The following WNK1 variants were observed in gnomAD, a reference collection of about 807,000 sequenced individuals.
The protein encoded by WNK1 is serine/threonine-protein kinase WNK1.
In WNK1, 38 loss-of-function variants were observed where a neutral mutation model predicts 222.8. That is an observed-to-expected ratio of 0.17 (90% CI 0.13 to 0.22). The LOEUF (loss-of-function observed/expected upper bound fraction) is 0.22. Ranked by LOEUF, WNK1 falls within the 10% of genes least tolerant of loss-of-function variation. The pLI, the probability that WNK1 is intolerant of heterozygous loss-of-function variation, is 1.00. For synonymous variants in WNK1, 1,090 were observed against 1,092.9 expected, an observed-to-expected ratio of 1.00 and a Z score of 0.05; for missense variants, 2,348 against 2,918.4, an observed-to-expected ratio of 0.80 and a Z score of 4.50.
chr12:764,155 TAGAG>T (rs997684655), intron 1 of WNK1, among the ~76,000 whole-genome samples: 1 of 146,870 alleles, frequency 6.8e-6, no homozygotes, highest in Admixed American at 6.8e-5. Context: ...ATAGAAAAAT[TAGAG>T]AGAGGGAGAG....
intron 1 of WNK1, among the ~76,000 whole-genome samples, chr12:764,189 G>A (rs1213970755): frequency 6.8e-6 from 1 of 147,472 alleles, no homozygotes. Flanking sequence ...ATGGTCCTCA[G>A]GCAAAATAGT....
At position 908,662 on chromosome 12, in the gene WNK1, C is replaced by T. The variant is rs767029551; in HGVS notation, c.7019C>T (p.Thr2340Met). ...ATPFGAQWSG[T>M]GGPAPQPLGQ... is the part of the protein sequence containing the mutation. The stretch of plus-strand genomic sequence containing the variant: ...CCATTTGGCGCTCAATGGAGTGGGA[C>T]GGGTGGCCCAGCACCACAGCCACTT... The change falls in exon 28 of 28, where the codon ACG (threonine) becomes ATG (methionine). Residue 2340 changes from threonine to methionine, a missense_variant. Physicochemically the swap from Thr to Met is moderately conservative, Grantham distance 81 (BLOSUM62 -1). This residue lies in a region of WNK1 where 76 missense variants were observed against 85.7 expected (regional missense o/e 0.89). Coordinates refer to ENST00000315939, the MANE Select transcript of WNK1 (RefSeq NM_018979.4). The T allele has an allele frequency of 1.5e-4, 246 of 1,614,064 alleles. No homozygotes were observed. Among genetic ancestry groups the T allele is most frequent in the East Asian group, 6.7e-4 (30 of 44,890 alleles).
intron 1 of WNK1, among the ~76,000 whole-genome samples, chr12:793,356 G>T (rs1945019582): frequency 6.6e-6 from 1 of 152,208 alleles, no homozygotes; most frequent in Admixed American, 6.5e-5. Flanking sequence ...TTAAAAAGGA[G>T]AAAACGTGTT....
chr12:806,785 G>A (rs1384733975), intron 1 of WNK1, among the ~76,000 whole-genome samples: 1 of 152,196 alleles, frequency 6.6e-6, no homozygotes, highest in Non-Finnish European at 1.5e-5. Flanking sequence ...AAATGTCGTA[G>A]ATATTTGGAA....
At chr12:828,674 A>G (rs1948564556) in intron 3 of WNK1, among the ~76,000 whole-genome samples, 1 of 152,210 alleles carries the variant, frequency 6.6e-6, no homozygotes, top group African/African-American at 2.4e-5. Context: ...TCACTTATCT[A>G]AAGAACAAGG....
At chr12:783,093 CG>C (rs1591675744) in intron 1 of WNK1, among the ~76,000 whole-genome samples, 1 of 151,100 alleles carries the variant, frequency 6.6e-6, no homozygotes, top group East Asian at 2.0e-4. Context: ...TTTGTAGAGA[CG>C]GGGGTAGGGT....
intron 1 of WNK1, among the ~76,000 whole-genome samples, chr12:755,986 A>AAAC (rs1187155437): frequency 6.6e-6 from 1 of 152,214 alleles, no homozygotes; most frequent in Non-Finnish European, 1.5e-5. Flanking sequence ...AAACAAACAA[A>AAAC]AACAACAACA....
chr12:753,763 T>C lies in WNK1; in HGVS notation c.198T>C (p.Arg66=), dbSNP rs777517901. The change falls in exon 1 of 28, where the codon CGT becomes CGC. Residue 66 remains arginine, a synonymous_variant. Coordinates refer to ENST00000315939, the MANE Select transcript of WNK1 (RefSeq NM_018979.4). The surrounding 1 kb of genome is among the most constrained non-coding windows in gnomAD (Gnocchi z 5.2). ...RRRHTMDKDS[R]GAAATTTTTE... is the part of the protein sequence containing the mutation. The stretch of plus-strand genomic sequence containing the variant: ...GCCACACTATGGACAAGGACAGCCG[T>C]GGGGCGGCCGCGACCACTACCACCA... 3.4e-5 allele frequency: 55 copies of C among 1,612,164 alleles called. No individual in the cohort carries two copies. The highest frequency in any genetic ancestry group is 4.5e-5 in the Non-Finnish European group (53 of 1,179,904).
chr12:808,957 T>G (rs12322747), intron 1 of WNK1, among the ~76,000 whole-genome samples: 538 of 151,978 alleles, frequency 3.5e-3, no homozygotes, highest in African/African-American at 0.013. Flanking sequence ...AGAAATGGGG[T>G]TTCACCATCT....
rs2154066650 is a variant in WNK1, at chr12:862,238, C to G, written c.2107C>G (p.Gln703Glu). The change falls in exon 8 of 28, where the codon CAG (glutamine) becomes GAG (glutamate). Residue 703 changes from glutamine to glutamate, a missense_variant. This residue lies in a region of WNK1 where 547 missense variants were observed against 558.3 expected (regional missense o/e 0.98). Transcript: ENST00000315939. Reference protein sequence around the residue: ...HIPSTVQAQSQPHGVYPPSSV... With the variant: ...HIPSTVQAQSEPHGVYPPSSV... Reference sequence around the variant, plus strand: ...ACCTTCTACTGTCCAAGCACAGTCTCAGCCCCATGGGGTATATCCACCCTC... The same window carrying G: ...ACCTTCTACTGTCCAAGCACAGTCTGAGCCCCATGGGGTATATCCACCCTC... 1.2e-6 allele frequency: 2 copies of G among 1,614,120 alleles called. No homozygotes were observed. The highest frequency in any genetic ancestry group is 1.3e-5 in the African/African-American group (1 of 75,046).
rs761305728 is a variant in WNK1 at position 879,737 on chromosome 12, A to G, written c.2538A>G (p.Ile846Met). The change falls in exon 11 of 28, where the codon ATA becomes ATG. Residue 846 changes from isoleucine to methionine, a missense_variant. Coordinates refer to ENST00000315939, the MANE Select transcript of WNK1 (RefSeq NM_018979.4). ...LPQYPVSQIP[I>M]STPHVSTAQT... ...AGTACCCTGTCTCTCAGATTCCCAT[A>G]TCAACTCCTCATGTGTCTACGGCTC... The G allele has an allele frequency of 1.2e-6, 2 of 1,613,404 alleles. No homozygotes were observed. The highest frequency in any genetic ancestry group is 1.3e-5 in the African/African-American group (1 of 74,714).
rs1385707844 is a variant in WNK1 at position 909,331 on chromosome 12, C to T, written c.*539C>T. On this transcript the variant is annotated 3_prime_UTR_variant, in exon 28 of 28. Transcript: ENST00000315939. The stretch of plus-strand genomic sequence containing the variant: ...TGAAAAATACCAGGGTACTGGGGTG[C>T]AACTCTTTCTTATGATAGGTCATTA... 1 of 155,070 alleles carries T rather than the reference C, an allele frequency of 6.4e-6. No homozygotes were observed. Among genetic ancestry groups the T allele is most frequent in the Non-Finnish European group, 1.4e-5 (1 of 70,098 alleles). 9.6% of individuals were successfully genotyped at this position (155,070 alleles called of 1,614,324 possible). A position where few individuals can be genotyped will look rare whatever the true frequency, so the allele number is the denominator to read the frequency against.
At chr12:799,425 C>G (rs1945664404) in intron 1 of WNK1, among the ~76,000 whole-genome samples, 1 of 151,368 alleles carries the variant, frequency 6.6e-6, no homozygotes, top group Non-Finnish European at 1.5e-5. Flanking sequence ...GCCACCGCAC[C>G]CGGCCTGCAT....
intron 4 of WNK1, among the ~76,000 whole-genome samples, chr12:853,586 C>T (rs976684611): frequency 1.3e-5 from 2 of 152,154 alleles, no homozygotes; most frequent in Non-Finnish European, 2.9e-5. Flanking sequence ...TCTACTTGTC[C>T]AGTTCACACT....
chr12:888,113 C>G (rs1366770517), intron 20 of WNK1, among the ~76,000 whole-genome samples: 1 of 152,128 alleles, frequency 6.6e-6, no homozygotes, highest in African/African-American at 2.4e-5. Context: ...AGCCAGTAAA[C>G]TTTTAAACTA....
intron 10 of WNK1, 60 bp from the exon 11 acceptor site, chr12:879,513 C>CTTTTTTTTTTTTTTTTTTTTTTGTTTTTT: frequency 2.5e-6 from 1 of 403,028 alleles, no homozygotes; most frequent in East Asian, 5.7e-5. Context: ...GGCAGCCTTG[C>CTTTTTTTTTTTTTTTTTTTTTTGTTTTTT]TTTTTTTTTT....
rs1290510851 is a variant in WNK1 at position 881,700 on chromosome 12, G to T, written c.3120G>T (p.Gln1040His). The change falls in exon 13 of 28, where the codon CAG becomes CAT. Residue 1040 changes from glutamine (Q) to histidine (H), a missense_variant. Around this residue, in one of 13 missense-constraint regions of WNK1, gnomAD observed 547 missense variants for 558.3 expected, o/e 0.98. Coordinates refer to ENST00000315939, the MANE Select transcript of WNK1 (RefSeq NM_018979.4). ...ATCTTTTCGATTCACAGAGTACTCA[G>T]GGAGTCTCTCAGGTTGCTCCTGCAG... ...SSQQAVLESTQGVSQVAPAEP... is the reference protein window; with the variant it reads ...SSQQAVLESTHGVSQVAPAEP... 1 of 1,613,656 alleles carries T rather than the reference G, an allele frequency of 6.2e-7. No individual in the cohort carries two copies. The highest frequency in any genetic ancestry group is 8.5e-7 in the Non-Finnish European group (1 of 1,179,738).
intron 4 of WNK1, among the ~76,000 whole-genome samples, chr12:835,950 TAAAAAAAA>T (rs58030405): frequency 7.1e-6 from 1 of 140,874 alleles, no homozygotes; most frequent in African/African-American, 2.6e-5. Flanking sequence ...AGACTTGGTC[TAAAAAAAA>T]AAAAAAATTG....
At chr12:802,260 CT>C (rs1406933256) in intron 1 of WNK1, among the ~76,000 whole-genome samples, 6 of 152,080 alleles carry the variant, frequency 3.9e-5, no homozygotes, top group African/African-American at 1.4e-4. Context: ...TAGTAAGTAC[CT>C]GTTTTATGAT....
Sources: gnomAD v4.1 joint callset for allele counts (sites outside exome capture counted in the v4.1 genomes callset) on GRCh38, gnomAD v4.1.1 for gene constraint, gnomAD v4.1.1 regional missense constraint, Gnocchi (gnomAD v3.1) non-coding constraint, MANE v1.5 for transcripts, NCBI Gene and HGNC (gene_info 2026-07-23, HGNC 2026-07-21) for gene names.